Variants in TNIK observed in about 807,000 individuals in gnomAD.
TNIK encodes the protein TRAF2 and NCK-interacting protein kinase.
In TNIK, 49 loss-of-function variants were observed where a neutral mutation model predicts 191.3. That is an observed-to-expected ratio of 0.26 (90% CI 0.20 to 0.32). TNIK has a LOEUF of 0.32. Among genes scored for constraint, TNIK ranks in the 10% least tolerant of loss-of-function variants. TNIK has a pLI of 1.00. For synonymous variants in TNIK, 594 were observed against 600.9 expected (o/e 0.99, Z 0.17); for missense variants, 1,155 against 1,702.3 (o/e 0.68, Z 5.66).
chr3:171,334,214 G>T (rs1167681050), intron 2 of TNIK, among the ~76,000 whole-genome samples: 1 of 152,166 alleles, frequency 6.6e-6, no homozygotes, highest in African/African-American at 2.4e-5. Flanking sequence ...TGTGAGATTT[G>T]GCTTTTAGGA....
chr3:171,128,566 T>G (rs1247600416), intron 16 of TNIK, 148 bp downstream of exon 16: 2 of 1,018,276 alleles, frequency 2.0e-6, no homozygotes, highest in Non-Finnish European at 2.6e-6. Context: ...TAAAAATCAG[T>G]GGGGCCACCT....
At chr3:171,365,928 A>C (rs1186141781) in intron 2 of TNIK, among the ~76,000 whole-genome samples, 2 of 152,226 alleles carry the variant, frequency 1.3e-5, no homozygotes, top group Non-Finnish European at 2.9e-5. Context: ...CGTAATAACC[A>C]ATCTATATTC....
At chr3:171,223,055 A>G (rs928496914) in intron 3 of TNIK, among the ~76,000 whole-genome samples, 1 of 152,252 alleles carries the variant, frequency 6.6e-6, no homozygotes, top group African/African-American at 2.4e-5. Context: ...TCCTTGTCAC[A>G]GTATTAAATT....
At chr3:171,125,632 G>A (rs2047715) in intron 17 of TNIK, among the ~76,000 whole-genome samples, 5,715 of 152,250 alleles carry the variant, frequency 0.038, 341 homozygotes, top group African/African-American at 0.12. Context: ...ATAGCAAAAT[G>A]ACAGTTTGGA....
rs764143325 is a variant in TNIK at position 171,138,421 on chromosome 3, A to G, written c.1420-42T>C. Reference sequence around the variant, plus strand: ...AGAGGAGCAAAGAAAAGGCCAAATTATCACATAGAAATCATCGGCCAGTAC... The same window carrying G: ...AGAGGAGCAAAGAAAAGGCCAAATTGTCACATAGAAATCATCGGCCAGTAC... On this transcript the variant is annotated intron_variant, in intron 14 of 32. Coordinates refer to ENST00000436636, the MANE Select transcript of TNIK (RefSeq NM_015028.4). The G allele has an allele frequency of 3.0e-5, 44 of 1,465,170 alleles. No homozygotes were observed. In the East Asian group the frequency reaches 8.5e-4, roughly 28 times the overall value. 90.8% of individuals were successfully genotyped at this position (1,465,170 alleles called of 1,614,324 possible).
At chr3:171,242,964 T>G (rs909234049) in intron 2 of TNIK, among the ~76,000 whole-genome samples, 2 of 152,190 alleles carry the variant, frequency 1.3e-5, no homozygotes, top group Non-Finnish European at 2.9e-5. Context: ...AAAAAAATCT[T>G]TGGAAATAAT....
intron 4 of TNIK, among the ~76,000 whole-genome samples, chr3:171,199,634 CA>C (rs1739167673): frequency 6.6e-6 from 1 of 152,162 alleles, no homozygotes; most frequent in Non-Finnish European, 1.5e-5. Flanking sequence ...GTAACTTGAG[CA>C]GGGTGAAAGC....
intron 3 of TNIK, among the ~76,000 whole-genome samples, chr3:171,212,925 T>C (rs573196223): frequency 6.6e-5 from 10 of 152,128 alleles, no homozygotes; most frequent in African/African-American, 2.2e-4. Context: ...AGTAAAAGCA[T>C]GTTACATATC....
chr3:171,098,205 A>T (rs547320092), intron 22 of TNIK, among the ~76,000 whole-genome samples: 1 of 152,322 alleles, frequency 6.6e-6, no homozygotes, highest in African/African-American at 2.4e-5. Flanking sequence ...GAGGGAAGAC[A>T]CTAATACCTA....
intron 1 of TNIK, among the ~76,000 whole-genome samples, chr3:171,453,613 G>C (rs1051049960): frequency 2.0e-5 from 3 of 152,130 alleles, no homozygotes; most frequent in Non-Finnish European, 4.4e-5. Flanking sequence ...GAAACTGTGC[G>C]TTTGGAAGAC....
intron 1 of TNIK, among the ~76,000 whole-genome samples, chr3:171,399,034 A>T (rs1199962181): frequency 1.3e-5 from 2 of 152,182 alleles, no homozygotes; most frequent in Non-Finnish European, 2.9e-5. Context: ...GAGCCCCTTG[A>T]GAGCTTACTT....
chr3:171,183,601 C>T (rs892281328), intron 7 of TNIK, among the ~76,000 whole-genome samples: 98 of 152,082 alleles, frequency 6.4e-4, no homozygotes, highest in African/African-American at 2.3e-3. Flanking sequence ...GAGGTTGAAC[C>T]GTATGAAACT....
At position 171,255,438 on chromosome 3, in the gene TNIK, C is replaced by T. The variant is rs912845877; in HGVS notation, c.124-27217G>A. Among the ~76,000 whole-genome samples, 16 of 152,264 alleles carry T rather than the reference C, an allele frequency of 1.1e-4. No homozygotes were observed. The East Asian group carries it at 2.7e-3, about 26-fold the overall frequency. On this transcript the variant is annotated intron_variant, in intron 2 of 32. Transcript: ENST00000436636. ...AAACTACAAATCATTTTGAAAGTTT[C>T]CTGTTTTGCAAACTCCGGATATAAG...
Position 171,167,149 on chromosome 3 carries a change from G to A in TNIK, c.895C>T (p.Arg299Cys), listed in dbSNP as rs769246900. ...IRDQPNERQV[R>C]IQLKDHIDRT... ...TCAATATGGTCCTTGAGTTGAATGC[G>A]GACCTGTCGCTCATTAGGTTGGTCT... Residue 299 changes from arginine to cysteine, a missense_variant, in exon 10 of 33, where the codon CGC becomes TGC. Around this residue, in one of 3 missense-constraint regions of TNIK, gnomAD observed 225 missense variants for 438.9 expected, o/e 0.51. Coordinates refer to ENST00000436636, the MANE Select transcript of TNIK (RefSeq NM_015028.4). 1.2e-5 allele frequency: 20 copies of A among 1,613,700 alleles called. No homozygotes were observed. The highest frequency in any genetic ancestry group is 1.4e-5 in the Non-Finnish European group (17 of 1,179,838).
chr3:171,165,949 A>G (rs1734569143), intron 10 of TNIK, among the ~76,000 whole-genome samples: 2 of 152,188 alleles, frequency 1.3e-5, no homozygotes, highest in South Asian at 4.1e-4. Flanking sequence ...CAGACCATGC[A>G]AGTTTTTACC....
intron 11 of TNIK, among the ~76,000 whole-genome samples, chr3:171,158,738 T>C (rs1733564962): frequency 6.6e-6 from 1 of 152,224 alleles, no homozygotes; most frequent in South Asian, 2.1e-4. Context: ...CAGGTATTAA[T>C]AGGCTCTATA....
intron 1 of TNIK, among the ~76,000 whole-genome samples, chr3:171,432,137 C>T (rs1470169724): frequency 6.6e-6 from 1 of 151,970 alleles, no homozygotes; most frequent in Non-Finnish European, 1.5e-5. Flanking sequence ...AATGAGGACA[C>T]AAATGAAAAG....
At chr3:171,066,820 G>A (rs1718499925) in intron 30 of TNIK, 85 bp from the exon 31 acceptor site, 2 of 1,460,406 alleles carry the variant, frequency 1.4e-6, no homozygotes, top group Admixed American at 4.9e-5. Context: ...CAAAAAAGAG[G>A]TTTTTGTTTA....
intron 2 of TNIK, among the ~76,000 whole-genome samples, chr3:171,287,284 T>G (rs578130517): frequency 2.6e-5 from 4 of 152,260 alleles, no homozygotes; most frequent in Non-Finnish European, 5.9e-5. Context: ...CTATTAGTTA[T>G]GTTGTCAAGT....
Sources: allele counts gnomAD v4.1 joint callset (sites outside exome capture counted in the v4.1 genomes callset), GRCh38; gene constraint gnomAD v4.1.1; regional missense constraint gnomAD v4.1.1; transcripts MANE v1.5; gene names NCBI Gene and HGNC (gene_info 2026-07-23, HGNC 2026-07-21).